The following HEATR4 variants were observed in gnomAD, a reference collection of about 807,000 sequenced individuals.
The protein encoded by HEATR4 is HEAT repeat-containing protein 4.
Under a neutral mutation model 108.8 loss-of-function variants are expected in HEATR4, and 95 were observed. The observed-to-expected ratio is 0.87, with a 90% CI of 0.74 to 1.04. HEATR4 has a LOEUF of 1.04. Ranked by LOEUF, HEATR4 falls within the 50% of genes least tolerant of loss-of-function variation. HEATR4 has a pLI of 0.00. For missense variants in HEATR4, 1,152 were observed against 1,253.8 expected, an observed-to-expected ratio of 0.92 and a Z score of 1.23; for synonymous variants, 443 against 459.4, an observed-to-expected ratio of 0.96 and a Z score of 0.46.
chr14:73,572,638 C>CT, the HEATR4 span, among the ~76,000 whole-genome samples: 1 of 38,510 alleles, frequency 2.6e-5, no homozygotes, highest in Non-Finnish European at 3.9e-5. Flanking sequence ...AAGGTGTTTG[C>CT]ATTTTTTTTT....
the HEATR4 span, chr14:73,619,090 A>G: frequency 0.033 from 34,711 of 1,046,060 alleles, 757 homozygotes; most frequent in Admixed American, 0.078. Context: ...AGATTGCACC[A>G]CTGCACTCCA....
the HEATR4 span, among the ~76,000 whole-genome samples, chr14:73,573,942 G>T: frequency 0.053 from 8,113 of 151,974 alleles, 350 homozygotes; most frequent in African/African-American, 0.12. Context: ...GGTCAGGCTG[G>T]TCTTGAACTC....
intron 2 of HEATR4, among the ~76,000 whole-genome samples, chr14:73,527,939 T>TA (rs1888439017): frequency 1.1e-5 from 1 of 92,790 alleles, no homozygotes; most frequent in Non-Finnish European, 2.0e-5. Flanking sequence ...CCAGCCTGGG[T>TA]AACAGGGGCA....
chr14:73,480,937 A>AC (rs1346036265), intron 17 of HEATR4: 2 of 151,850 alleles, frequency 1.3e-5, no homozygotes, highest in Admixed American at 6.6e-5. Context: ...AATCGATTGA[A>AC]CCCGGGGGTC....
At chr14:73,612,004 C>T in the HEATR4 span, among the ~76,000 whole-genome samples, 7 of 151,632 alleles carry the variant, frequency 4.6e-5, no homozygotes, top group South Asian at 2.1e-4. Flanking sequence ...GCCTCTATTT[C>T]GACACTCACC....
In HEATR4 at chr14:73,523,114, A is replaced by G. The variant is rs558577117; in HGVS notation, c.39T>C (p.His13=). The change falls in exon 3 of 18, where the codon CAT becomes CAC. Residue 13 remains histidine, a synonymous_variant. Coordinates refer to ENST00000553558, the MANE Select transcript of HEATR4 (RefSeq NM_001220484.1). ...GTGGGGGCAGTGACTGATAGAAGCA[A>G]TGGGGGAGAAAGGTCTTTCCCTTCT... is the stretch of plus-strand genomic sequence containing the variant. The part of the protein sequence containing the change: ...RTQKGKTFLP[H]CFYQSLPPRL... The G allele has an allele frequency of 1.9e-6, 3 of 1,607,534 alleles. No homozygotes were observed. In the African/African-American group the frequency reaches 4.0e-5, roughly 21 times the overall value.
the HEATR4 span, chr14:73,619,093 G>C: frequency 3.7e-6 from 4 of 1,087,830 alleles, no homozygotes; most frequent in Admixed American, 1.1e-4. Flanking sequence ...TTGCACCACT[G>C]CACTCCAGCC....
intron 1 of HEATR4, among the ~76,000 whole-genome samples, chr14:73,554,698 C>G (rs1889370810): frequency 8.7e-6 from 1 of 115,070 alleles, no homozygotes; most frequent in Admixed American, 9.8e-5. Flanking sequence ...GAGAGCAGCA[C>G]TGGTTCTGCT....
At chr14:73,556,508 T>C (rs1408062768) in intron 1 of HEATR4, among the ~76,000 whole-genome samples, 1 of 113,234 alleles carries the variant, frequency 8.8e-6, no homozygotes, top group African/African-American at 2.8e-5. Flanking sequence ...GAACACATGA[T>C]AGGTCTGTTT....
chr14:73,509,853 TATATATA>T, intron 7 of HEATR4, among the ~76,000 whole-genome samples: 4 of 76,266 alleles, frequency 5.2e-5, no homozygotes, highest in African/African-American at 1.1e-4. Context: ...TATATATATA[TATATATA>T]TATATATATT....
chr14:73,583,729 G>A, the HEATR4 span, among the ~76,000 whole-genome samples: 1 of 152,074 alleles, frequency 6.6e-6, no homozygotes, highest in African/African-American at 2.4e-5. Context: ...GCCAGGCGCG[G>A]TGGCTCACGC....
intron 2 of HEATR4, among the ~76,000 whole-genome samples, chr14:73,529,663 A>G: frequency 6.6e-6 from 1 of 152,186 alleles, no homozygotes; most frequent in Non-Finnish European, 1.5e-5. Context: ...CTGTTTGCTT[A>G]TCAGTCGCTT....
At chr14:73,584,698 G>T in the HEATR4 span, among the ~76,000 whole-genome samples, 2 of 146,390 alleles carry the variant, frequency 1.4e-5, no homozygotes, top group African/African-American at 5.0e-5. Context: ...CAAGCTCAGA[G>T]GAGGCAGAGG....
chr14:73,509,459 C>G lies in HEATR4; in HGVS notation c.1573G>C (p.Asp525His), dbSNP rs1566831794. 6.2e-7 allele frequency: 1 copy of G among 1,613,906 alleles called. No individual in the cohort carries two copies. Among genetic ancestry groups the G allele is most frequent in the Admixed American group, 1.7e-5 (1 of 59,992 alleles). ...GCAGGCAGTAGAACCTCCGGCAAGT[C>G]CTGGATGGTCTTGTCTGTGATCAAA... ...SQRDSDKTIQ[D>H]LPEVLLPALE... Residue 525 changes from aspartate (D) to histidine (H), a missense_variant, in exon 8 of 18, where the codon GAC (aspartate) becomes CAC (histidine). By Grantham distance (81) the Asp-to-His change is moderately conservative (BLOSUM62 -1). Transcript: ENST00000553558.
At chr14:73,566,063 C>T in the HEATR4 span, among the ~76,000 whole-genome samples, 1 of 152,012 alleles carries the variant, frequency 6.6e-6, no homozygotes, top group East Asian at 1.9e-4. Flanking sequence ...AGTGTTGACA[C>T]AAAGGTTCTC....
At chr14:73,536,728 A>G (rs1470017416) in intron 1 of HEATR4, among the ~76,000 whole-genome samples, 1 of 113,484 alleles carries the variant, frequency 8.8e-6, no homozygotes, top group African/African-American at 2.9e-5. Flanking sequence ...CTATTTTTAC[A>G]CCTGTAAGGA....
At chr14:73,564,734 T>G in the HEATR4 span, among the ~76,000 whole-genome samples, 109 of 142,842 alleles carry the variant, frequency 7.6e-4, 1 homozygote, top group African/African-American at 2.3e-3. Context: ...TTTTGTTTTT[T>G]TTTTTTTTTT....
chr14:73,559,848 A>G (rs1889486738), upstream of HEATR4, among the ~76,000 whole-genome samples: 1 of 152,144 alleles, frequency 6.6e-6, no homozygotes, highest in Non-Finnish European at 1.5e-5. Context: ...ACACATGACC[A>G]CATAGTTCTG....
the HEATR4 span, among the ~76,000 whole-genome samples, chr14:73,626,177 A>C: frequency 5.3e-5 from 8 of 152,222 alleles, no homozygotes; most frequent in Admixed American, 5.2e-4. Context: ...AGGGGTGTCC[A>C]ATCTTTTGGT....
Sources: allele counts gnomAD v4.1 joint callset (sites outside exome capture counted in the v4.1 genomes callset), GRCh38; gene constraint gnomAD v4.1.1; transcripts MANE v1.5; gene names NCBI Gene and HGNC (gene_info 2026-07-23, HGNC 2026-07-21).